The following LRMDA variants were observed in gnomAD, a reference collection of about 807,000 sequenced individuals.
The protein encoded by LRMDA is leucine-rich melanocyte differentiation-associated protein.
A neutral mutation model predicts 29.8 loss-of-function variants in LRMDA; 18 were observed. The ratio of observed to expected loss-of-function variants is 0.60; its 90% CI spans 0.42 to 0.90. The LOEUF (loss-of-function observed/expected upper bound fraction) is 0.90. Ranked by LOEUF, LRMDA falls within the 40% of genes least tolerant of loss-of-function variation. The probability of loss-of-function intolerance (pLI) is 0.00; values close to 1 mark genes in which losing one functional copy is unlikely to be tolerated. For missense variants in LRMDA, 273 were observed against 273.9 expected, an observed-to-expected ratio of 1.00 and a Z score of 0.02; for synonymous variants, 125 against 109.4, an observed-to-expected ratio of 1.14 and a Z score of -0.89.
chr10:75,455,375 C>T (rs764712461), intron 2 of LRMDA, among the ~76,000 whole-genome samples: 1 of 152,142 alleles, frequency 6.6e-6, no homozygotes, highest in Non-Finnish European at 1.5e-5. Context: ...GTTCCCAGCA[C>T]GTGGACCTTA....
At chr10:76,146,190 G>A (rs1466097619) in intron 5 of LRMDA, among the ~76,000 whole-genome samples, 1 of 152,178 alleles carries the variant, frequency 6.6e-6, no homozygotes. Context: ...GGAGAGTTCT[G>A]TAGATTTCTA....
At chr10:75,812,353 G>C (rs1023609786) in intron 2 of LRMDA, among the ~76,000 whole-genome samples, 1 of 151,994 alleles carries the variant, frequency 6.6e-6, no homozygotes, top group South Asian at 2.1e-4. Flanking sequence ...TAGCAGCCTG[G>C]TATAAATTAG....
At chr10:76,383,301 A>AAGT (rs1357682103) in intron 6 of LRMDA, among the ~76,000 whole-genome samples, 1 of 151,902 alleles carries the variant, frequency 6.6e-6, no homozygotes, top group Non-Finnish European at 1.5e-5. Flanking sequence ...TCCAGTCCTT[A>AAGT]AGTGAACTGG....
chr10:75,599,701 A>G (rs953317168), intron 2 of LRMDA, among the ~76,000 whole-genome samples: 5 of 152,234 alleles, frequency 3.3e-5, no homozygotes, highest in Non-Finnish European at 7.3e-5. Flanking sequence ...AGTGTCCAAT[A>G]TGGTAGCCAC....
At chr10:76,187,309 G>A (rs1851167399) in intron 5 of LRMDA, among the ~76,000 whole-genome samples, 1 of 152,218 alleles carries the variant, frequency 6.6e-6, no homozygotes, top group Middle Eastern at 3.4e-3. Flanking sequence ...CCTTGAATCA[G>A]ATTCTTTAAA....
chr10:75,810,357 T>A (rs1843937422), intron 2 of LRMDA, among the ~76,000 whole-genome samples: 1 of 152,162 alleles, frequency 6.6e-6, no homozygotes, highest in Non-Finnish European at 1.5e-5. Flanking sequence ...GCAGGGCTGT[T>A]CGGAGGATGT....
At chr10:76,450,949 C>T (rs1327792841) in intron 6 of LRMDA, among the ~76,000 whole-genome samples, 1 of 152,156 alleles carries the variant, frequency 6.6e-6, no homozygotes, top group Non-Finnish European at 1.5e-5. Flanking sequence ...TCATCTGAGT[C>T]AACATGGAAG....
intron 2 of LRMDA, among the ~76,000 whole-genome samples, chr10:76,011,767 C>T (rs960425206): frequency 2.0e-4 from 30 of 152,136 alleles, no homozygotes; most frequent in Non-Finnish European, 7.3e-5. Context: ...TATTTTGTTC[C>T]AGCTCTATCC....
chr10:76,530,250 A>G (rs1843219748), intron 6 of LRMDA, among the ~76,000 whole-genome samples: 1 of 152,200 alleles, frequency 6.6e-6, no homozygotes, highest in Non-Finnish European at 1.5e-5. Flanking sequence ...GAAATGGATC[A>G]GAACCAATAG....
chr10:76,268,533 CT>C (rs1431109703), intron 5 of LRMDA, among the ~76,000 whole-genome samples: 1 of 152,126 alleles, frequency 6.6e-6, no homozygotes, highest in African/African-American at 2.4e-5. Flanking sequence ...TAATGATTTC[CT>C]TTTTAAGGAG....
chr10:75,899,144 A>G (rs1031762318), intron 2 of LRMDA, among the ~76,000 whole-genome samples: 1 of 152,208 alleles, frequency 6.6e-6, no homozygotes, highest in Admixed American at 6.5e-5. Flanking sequence ...TGCAGAGAAG[A>G]CTATTGAAGA....
intron 2 of LRMDA, among the ~76,000 whole-genome samples, chr10:75,712,557 A>G (rs1490215792): frequency 6.6e-6 from 1 of 152,198 alleles, no homozygotes; most frequent in Non-Finnish European, 1.5e-5. Context: ...TGGACAAAGC[A>G]GGGAACTGGA....
At chr10:75,576,994 C>A (rs946623609) in intron 2 of LRMDA, among the ~76,000 whole-genome samples, 1 of 152,172 alleles carries the variant, frequency 6.6e-6, no homozygotes, top group Non-Finnish European at 1.5e-5. Context: ...AAAAGGATCA[C>A]AACTCCTCTC....
At chr10:75,557,522 T>C (rs1219029058) in intron 2 of LRMDA, among the ~76,000 whole-genome samples, 1 of 152,140 alleles carries the variant, frequency 6.6e-6, no homozygotes, top group African/African-American at 2.4e-5. Context: ...CCCTGCAACA[T>C]TGATACTATG....
rs184069322 is a variant in LRMDA, at chr10:75,852,723, T to C, written c.132-183285T>C. ...GTAGAGAGATGGATGGGCAGGCTTG[T>C]GGAGGTGAAGACAGACATCAGTAGG... On this transcript the variant is annotated intron_variant, in intron 2 of 6. Coordinates refer to ENST00000611255, the MANE Select transcript of LRMDA (RefSeq NM_001305581.2). 5.5e-4 allele frequency among the ~76,000 whole-genome samples: 84 copies of C among 152,166 alleles called. No homozygotes were observed. In the East Asian group the frequency reaches 0.012, roughly 22 times the overall value.
intron 5 of LRMDA, among the ~76,000 whole-genome samples, chr10:76,122,974 G>A (rs1849815697): frequency 6.6e-6 from 1 of 152,124 alleles, no homozygotes; most frequent in Non-Finnish European, 1.5e-5. Flanking sequence ...AGGATGATCC[G>A]AAGGATTCCC....
At chr10:76,439,564 G>C (rs996455642) in intron 6 of LRMDA, among the ~76,000 whole-genome samples, 1 of 152,194 alleles carries the variant, frequency 6.6e-6, no homozygotes, top group African/African-American at 2.4e-5. Context: ...AGTTTAGAAA[G>C]AATTCAGTGA....
chr10:76,152,786 T>C (rs547620138), intron 5 of LRMDA, among the ~76,000 whole-genome samples: 1 of 152,322 alleles, frequency 6.6e-6, no homozygotes, highest in African/African-American at 2.4e-5. Context: ...TGAGCATCTT[T>C]TCATGTGCTC....
chr10:75,529,650 G>C (rs1008498147), intron 2 of LRMDA, among the ~76,000 whole-genome samples: 2 of 152,156 alleles, frequency 1.3e-5, no homozygotes, highest in African/African-American at 4.8e-5. Context: ...GATGCATCTG[G>C]ACATCTTGAG....
Sources: allele counts gnomAD v4.1 joint callset (sites outside exome capture counted in the v4.1 genomes callset), GRCh38; gene constraint gnomAD v4.1.1; transcripts MANE v1.5; gene names NCBI Gene and HGNC (gene_info 2026-07-23, HGNC 2026-07-21).